ABTB2: variants seen among roughly 807,000 people sequenced by gnomAD.
The protein encoded by ABTB2 is ankyrin repeat and BTB domain containing 2.
In ABTB2, 56 loss-of-function variants were observed where a neutral mutation model predicts 104.1. The ratio of observed to expected loss-of-function variants is 0.54; its 90% CI spans 0.43 to 0.67. The LOEUF is 0.67. Among genes scored for constraint, ABTB2 ranks in the 30% least tolerant of loss-of-function variants. The probability of loss-of-function intolerance (pLI) is 0.00; values close to 1 mark genes in which losing one functional copy is unlikely to be tolerated. For missense variants in ABTB2, 1,279 were observed against 1,407.7 expected (o/e 0.91, Z 1.46); for synonymous variants, 606 against 608.2 (o/e 1.00, Z 0.05).
intron 3 of ABTB2, among the ~76,000 whole-genome samples, chr11:34,184,333 G>A (rs1041876256): frequency 3.2e-4 from 49 of 152,224 alleles, no homozygotes; most frequent in Admixed American, 2.7e-3. Flanking sequence ...ACGGCAGCCC[G>A]GGGCCAAGGT....
chr11:34,221,137 A>G (rs1419760429), intron 1 of ABTB2, among the ~76,000 whole-genome samples: 1 of 151,982 alleles, frequency 6.6e-6, no homozygotes, highest in Non-Finnish European at 1.5e-5. Flanking sequence ...CGCCCGGCTA[A>G]TTTTTGTATT....
chr11:34,197,606 CT>C (rs1326804539), intron 2 of ABTB2, 68 bp from the exon 3 acceptor site: 14 of 1,124,574 alleles, frequency 1.2e-5, no homozygotes, highest in Non-Finnish European at 1.6e-5. Context: ...AGTTCACAGC[CT>C]GCATTCTTCC....
rs115807850 is a variant in ABTB2, at chr11:34,223,190, G to A, written c.884-18500C>T. ...GTGTGATCTGCCCACCAACACAGCC[G>A]AGGACCGAGTGGAAACAGTGAATCA... On this transcript the variant is annotated intron_variant, in intron 1 of 16. Coordinates refer to ENST00000435224, the MANE Select transcript of ABTB2 (RefSeq NM_145804.3). 6.9e-4 allele frequency among the ~76,000 whole-genome samples: 105 copies of A among 152,260 alleles called. 1 individual carries two copies. The highest frequency in any genetic ancestry group is 2.3e-3 in the African/African-American group (95 of 41,568).
chr11:34,339,607 T>C (rs1213610954), intron 1 of ABTB2, among the ~76,000 whole-genome samples: 1 of 151,932 alleles, frequency 6.6e-6, no homozygotes, highest in African/African-American at 2.4e-5. Flanking sequence ...GTCCTTCCTG[T>C]TTTCTCTTTG....
At chr11:34,273,149 T>C (rs1854339967) in intron 1 of ABTB2, among the ~76,000 whole-genome samples, 1 of 152,230 alleles carries the variant, frequency 6.6e-6, no homozygotes, top group Non-Finnish European at 1.5e-5. Context: ...ATTTTTACTA[T>C]TCCTGGGTCC....
At chr11:34,257,333 T>G (rs1266666686) in intron 1 of ABTB2, among the ~76,000 whole-genome samples, 1 of 152,182 alleles carries the variant, frequency 6.6e-6, no homozygotes, top group African/African-American at 2.4e-5. Flanking sequence ...GAATTGGTAC[T>G]TATCAAAAGC....
intron 1 of ABTB2, among the ~76,000 whole-genome samples, chr11:34,310,029 T>C (rs964273060): frequency 6.6e-6 from 1 of 152,194 alleles, no homozygotes; most frequent in Non-Finnish European, 1.5e-5. Flanking sequence ...GGCTTGACCT[T>C]GACATTGAGT....
intron 4 of ABTB2, among the ~76,000 whole-genome samples, chr11:34,171,978 G>A (rs1473808942): frequency 6.6e-6 from 1 of 152,114 alleles, no homozygotes; most frequent in Non-Finnish European, 1.5e-5. Flanking sequence ...CTGGAGCCTT[G>A]GTTGGGCCAA....
intron 1 of ABTB2, among the ~76,000 whole-genome samples, chr11:34,317,431 C>T (rs1410966906): frequency 6.6e-6 from 1 of 152,088 alleles, no homozygotes; most frequent in South Asian, 2.1e-4. Flanking sequence ...AATAAGGGGG[C>T]ACTGGCAATG....
intron 1 of ABTB2, among the ~76,000 whole-genome samples, chr11:34,333,009 A>G (rs1855150817): frequency 6.6e-6 from 1 of 152,208 alleles, no homozygotes; most frequent in South Asian, 2.1e-4. Flanking sequence ...ATAAACAAAC[A>G]GCTTTAACTT....
At chr11:34,300,734 C>T (rs571902912) in intron 1 of ABTB2, among the ~76,000 whole-genome samples, 6 of 152,138 alleles carry the variant, frequency 3.9e-5, no homozygotes, top group South Asian at 2.1e-4. Flanking sequence ...GGGAGGTGCT[C>T]GAAGTCTTGG....
intron 1 of ABTB2, among the ~76,000 whole-genome samples, chr11:34,216,231 G>A (rs7125070): frequency 0.056 from 8,593 of 152,170 alleles, 821 homozygotes; most frequent in African/African-American, 0.19. Flanking sequence ...ACCTAGGCTT[G>A]GTGGTCAAGG....
chr11:34,267,672 C>T (rs545365760), intron 1 of ABTB2, among the ~76,000 whole-genome samples: 2 of 152,160 alleles, frequency 1.3e-5, no homozygotes, highest in African/African-American at 2.4e-5. Context: ...GTGTGGATTT[C>T]GTTTATGTTT....
intron 1 of ABTB2, among the ~76,000 whole-genome samples, chr11:34,263,388 G>T (rs1854212009): frequency 6.6e-6 from 1 of 152,106 alleles, no homozygotes; most frequent in Admixed American, 6.5e-5. Flanking sequence ...GATAAGGCAG[G>T]GTGGATGGAG....
At chr11:34,278,345 G>C (rs1027102840) in intron 1 of ABTB2, among the ~76,000 whole-genome samples, 1 of 152,154 alleles carries the variant, frequency 6.6e-6, no homozygotes, top group African/African-American at 2.4e-5. Context: ...GGTTAAGTTT[G>C]TTTCCTTACT....
chr11:34,170,895 T>C lies in ABTB2; in HGVS notation c.1563+11A>G. 1 of 1,611,522 alleles carries C rather than the reference T, an allele frequency of 6.2e-7. No homozygotes were observed. Among genetic ancestry groups the C allele is most frequent in the South Asian group, 1.1e-5 (1 of 90,756 alleles). On this transcript the variant is annotated intron_variant, in intron 5 of 16. Coordinates refer to ENST00000435224, the MANE Select transcript of ABTB2 (RefSeq NM_145804.3). ...CCTCGTGCCTGTCTTTGTGGAGCTC[T>C]CAGGACGTACCTGGTCATCCATGGT...
Position 34,152,204 on chromosome 11 carries a change from T to C in ABTB2, c.*183A>G, listed in dbSNP as rs953512543. The C allele has an allele frequency of 1.5e-4, 98 of 663,952 alleles. No homozygotes were observed. The highest frequency in any genetic ancestry group is 4.2e-4 in the Middle Eastern group (1 of 2,398). The allele number at this position is 663,952 out of a possible 1,614,324, so 41.1% of individuals were successfully genotyped here. A position where few individuals can be genotyped will look rare whatever the true frequency, so the allele number is the denominator to read the frequency against. On this transcript the variant is annotated 3_prime_UTR_variant, in exon 17 of 17. Transcript: ENST00000435224. ...CATCTCCCCTTTGCCCATCAGTGAT[T>C]GAACAAACAGCTCTAGGGCAGAGGA...
At chr11:34,155,601 A>C (rs1035326154) in intron 14 of ABTB2, among the ~76,000 whole-genome samples, 2 of 152,260 alleles carry the variant, frequency 1.3e-5, no homozygotes, top group African/African-American at 2.4e-5. Flanking sequence ...CAGCCGGCAC[A>C]GTCGGGCTCT....
At chr11:34,209,123 A>C (rs1853444625) in intron 1 of ABTB2, among the ~76,000 whole-genome samples, 1 of 152,166 alleles carries the variant, frequency 6.6e-6, no homozygotes, top group Admixed American at 6.5e-5. Context: ...AGACGGGTGA[A>C]TCACTTGAGG....
Sources: gnomAD v4.1 joint callset for allele counts (sites outside exome capture counted in the v4.1 genomes callset) on GRCh38, gnomAD v4.1.1 for gene constraint, MANE v1.5 for transcripts, NCBI Gene and HGNC (gene_info 2026-07-23, HGNC 2026-07-21) for gene names.